The following ABCC12 variants were observed in gnomAD, a reference collection of about 807,000 sequenced individuals.
ABCC12 encodes the protein ATP-binding cassette sub-family C member 12.
ABCC12 carries 142 observed loss-of-function variants against 151.1 expected under a neutral mutation model. The observed-to-expected ratio is 0.94, with a 90% CI of 0.82 to 1.08. The LOEUF (loss-of-function observed/expected upper bound fraction) is 1.08. Among genes scored for constraint, ABCC12 ranks in the 50% least tolerant of loss-of-function variants. ABCC12 has a pLI of 0.00. For missense variants in ABCC12, 1,638 were observed against 1,691.1 expected, an observed-to-expected ratio of 0.97 and a Z score of 0.55; for synonymous variants, 645 against 646.4, an observed-to-expected ratio of 1.00 and a Z score of 0.03.
Position 48,108,245 on chromosome 16 carries a change from T to A in ABCC12, c.2371+195A>T, listed in dbSNP as rs115116737. ...GAGAGTCTGGCAGCTTTAATGGAGA[T>A]AAAGAATGATTCCATTTAAAAGGCT... On this transcript the variant is annotated intron_variant, in intron 19 of 30. Coordinates refer to ENST00000311303, the MANE Select transcript of ABCC12 (RefSeq NM_001393797.1). 3.8e-3 allele frequency among the ~76,000 whole-genome samples: 580 copies of A among 152,262 alleles called. 4 individuals carry two copies. Among genetic ancestry groups the A allele is most frequent in the African/African-American group, 0.014 (564 of 41,536 alleles).
intron 23 of ABCC12, among the ~76,000 whole-genome samples, chr16:48,098,081 G>T (rs1438049097): frequency 7.2e-6 from 1 of 139,786 alleles, no homozygotes. Context: ...TTGCAAGCCT[G>T]CCCCACCTGA....
chr16:48,141,743 G>A (rs186054990), intron 4 of ABCC12, among the ~76,000 whole-genome samples: 4 of 152,364 alleles, frequency 2.6e-5, no homozygotes, highest in Non-Finnish European at 5.9e-5. Flanking sequence ...GGAGTGTGGT[G>A]CACAAAGAGG....
At chr16:48,103,812 C>T (rs890365470) in intron 22 of ABCC12, among the ~76,000 whole-genome samples, 3 of 152,212 alleles carry the variant, frequency 2.0e-5, no homozygotes, top group Non-Finnish European at 2.9e-5. Flanking sequence ...TAAACACACC[C>T]ATGGTTAGGG....
intron 15 of ABCC12, 87 bp downstream of exon 15, chr16:48,115,328 G>A: frequency 1.4e-6 from 2 of 1,420,780 alleles, no homozygotes; most frequent in Non-Finnish European, 1.9e-6. Flanking sequence ...AAGACAGGCA[G>A]ATATAGGCAG....
intron 8 of ABCC12, among the ~76,000 whole-genome samples, chr16:48,136,824 G>T (rs1350247336): frequency 6.6e-6 from 1 of 152,138 alleles, no homozygotes; most frequent in Non-Finnish European, 1.5e-5. Flanking sequence ...GTGGCGTGTG[G>T]TTCTAGAAAC....
chr16:48,110,611 T>C (rs1018256842), intron 18 of ABCC12, among the ~76,000 whole-genome samples: 3 of 152,046 alleles, frequency 2.0e-5, no homozygotes, highest in Admixed American at 6.5e-5. Flanking sequence ...AGGCTCATCT[T>C]CCACATCTCG....
At chr16:48,123,150 C>A (rs1964127892) in intron 12 of ABCC12, among the ~76,000 whole-genome samples, 1 of 152,188 alleles carries the variant, frequency 6.6e-6, no homozygotes, top group South Asian at 2.1e-4. Context: ...CAATATACAT[C>A]AAAACTCTCC....
Position 48,128,554 on chromosome 16 carries a change from C to A in ABCC12, c.1420G>T (p.Glu474Ter). ...CKKQRSEAYSERSPPAKGATG... is the reference protein window; with the variant it reads ...CKKQRSEAYS ...GCTCCCTTGGCTGGTGGACTCCTCT[C>A]ACTGTATGCCTCTGACCTCTGTTTC... is the stretch of plus-strand genomic sequence containing the variant. The change falls in exon 11 of 31, where the codon GAG (glutamate) becomes TAG (stop). Residue 474 changes from glutamate (E) to a stop codon, truncating the protein, a stop_gained. Coordinates refer to ENST00000311303, the MANE Select transcript of ABCC12 (RefSeq NM_001393797.1). LOFTEE classifies it high-confidence loss of function. The A allele has an allele frequency of 1.2e-6, 2 of 1,614,254 alleles. No homozygotes were observed. The highest frequency in any genetic ancestry group is 1.7e-6 in the Non-Finnish European group (2 of 1,180,050).
At chr16:48,152,881 AAAG>A (rs1702650878) in intron 2 of ABCC12, among the ~76,000 whole-genome samples, 1 of 152,258 alleles carries the variant, frequency 6.6e-6, no homozygotes, top group South Asian at 2.1e-4. Flanking sequence ...ATCCCAGATT[AAAG>A]GATACAGAAG....
At chr16:48,108,707 G>T (rs1963585701) in intron 18 of ABCC12, among the ~76,000 whole-genome samples, 178 bp from the exon 19 acceptor site, 2 of 152,128 alleles carry the variant, frequency 1.3e-5, no homozygotes, top group Admixed American at 1.3e-4. Context: ...GTGCTACTCG[G>T]TCTTCAGTAC....
intron 11 of ABCC12, among the ~76,000 whole-genome samples, chr16:48,124,671 G>A (rs965989041): frequency 6.6e-6 from 1 of 152,222 alleles, no homozygotes; most frequent in East Asian, 1.9e-4. Context: ...ACAACCCAGG[G>A]GGACTAGGGT....
chr16:48,105,125 G>T lies in ABCC12; in HGVS notation c.2673+14C>A. On this transcript the variant is annotated intron_variant, in intron 21 of 30. Coordinates refer to ENST00000311303, the MANE Select transcript of ABCC12 (RefSeq NM_001393797.1). ...CTGAATAACTGGGTACACCTGCAAT[G>T]CTTGTGGCCCTACCTTATCAAACAC... The T allele has an allele frequency of 6.2e-7, 1 of 1,614,052 alleles. No individual in the cohort carries two copies. Among genetic ancestry groups the T allele is most frequent in the Admixed American group, 1.7e-5 (1 of 60,028 alleles).
chr16:48,155,146 T>A (rs1358847152), intron 1 of ABCC12, among the ~76,000 whole-genome samples: 2 of 151,986 alleles, frequency 1.3e-5, no homozygotes, highest in East Asian at 3.9e-4. Context: ...CAGAGGGAAG[T>A]GCATGCAGGG....
intron 4 of ABCC12, among the ~76,000 whole-genome samples, chr16:48,142,970 C>T (rs539468937): frequency 4.6e-5 from 7 of 152,282 alleles, no homozygotes; most frequent in Admixed American, 6.5e-5. Flanking sequence ...GGGAGTAGAG[C>T]AGGAGCATGG....
At chr16:48,108,181 G>T (rs1244031092) in intron 19 of ABCC12, among the ~76,000 whole-genome samples, 1 of 152,168 alleles carries the variant, frequency 6.6e-6, no homozygotes, top group African/African-American at 2.4e-5. Context: ...GGAGTGCAAG[G>T]GTAGGGTTCA....
intron 13 of ABCC12, among the ~76,000 whole-genome samples, chr16:48,118,556 C>T (rs1277268125): frequency 2.0e-5 from 3 of 152,208 alleles, no homozygotes; most frequent in Admixed American, 1.3e-4. Context: ...ATATCATTGG[C>T]ATTATCGTCA....
At chr16:48,130,061 C>T (rs755400271) in intron 10 of ABCC12, among the ~76,000 whole-genome samples, 7 of 152,126 alleles carry the variant, frequency 4.6e-5, no homozygotes, top group Non-Finnish European at 8.8e-5. Flanking sequence ...AGGATGCTTA[C>T]GATGACTTCT....
At chr16:48,149,548 G>A (rs1965090180) in intron 2 of ABCC12, among the ~76,000 whole-genome samples, 1 of 152,162 alleles carries the variant, frequency 6.6e-6, no homozygotes, top group African/African-American at 2.4e-5. Flanking sequence ...TACATACAGA[G>A]ATATGTATTT....
intron 23 of ABCC12, among the ~76,000 whole-genome samples, chr16:48,098,999 G>C (rs1191107236): frequency 6.6e-6 from 1 of 152,190 alleles, no homozygotes; most frequent in Non-Finnish European, 1.5e-5. Context: ...CGATGTTCAG[G>C]TCAAACTAGG....
Sources: allele counts gnomAD v4.1 joint callset (sites outside exome capture counted in the v4.1 genomes callset), GRCh38; gene constraint gnomAD v4.1.1; transcripts MANE v1.5; gene names NCBI Gene and HGNC (gene_info 2026-07-23, HGNC 2026-07-21).